NALCN: variants seen among roughly 807,000 people sequenced by gnomAD.
NALCN encodes sodium leak channel, non-selective.
In NALCN, 111 loss-of-function variants were observed where a neutral mutation model predicts 225.3. The observed-to-expected ratio is 0.49, with a 90% CI of 0.42 to 0.58. The LOEUF (loss-of-function observed/expected upper bound fraction) is 0.58, where lower values mean the gene tolerates loss of function less well. Among genes scored for constraint, NALCN ranks in the 20% least tolerant of loss-of-function variants. The pLI is 0.00. For missense variants in NALCN, 1,378 were observed against 2,202.4 expected, an observed-to-expected ratio of 0.63 and a Z score of 7.49; for synonymous variants, 764 against 769.0, an observed-to-expected ratio of 0.99 and a Z score of 0.11.
intron 11 of NALCN, among the ~76,000 whole-genome samples, chr13:101,254,541 T>A (rs967420007): frequency 1.3e-5 from 2 of 152,052 alleles, no homozygotes; most frequent in African/African-American, 4.8e-5. Context: ...TTATTTATTT[T>A]TCCAGGATTT....
intron 7 of NALCN, among the ~76,000 whole-genome samples, chr13:101,316,878 G>T (rs1445923759): frequency 6.6e-6 from 1 of 152,088 alleles, no homozygotes; most frequent in Non-Finnish European, 1.5e-5. Context: ...ACTGATAGGT[G>T]CAGATAATTA....
chr13:101,297,914 T>C (rs2043815323), intron 7 of NALCN, among the ~76,000 whole-genome samples: 1 of 152,216 alleles, frequency 6.6e-6, no homozygotes. Flanking sequence ...CTGACTCTGA[T>C]CAGACATCAC....
intron 7 of NALCN, among the ~76,000 whole-genome samples, chr13:101,301,289 C>T (rs1205086978): frequency 6.6e-6 from 1 of 152,200 alleles, no homozygotes. Flanking sequence ...TCGGCAATTT[C>T]CAGGTAGGCT....
chr13:101,339,390 C>T (rs530021609), intron 7 of NALCN, among the ~76,000 whole-genome samples: 35 of 152,064 alleles, frequency 2.3e-4, no homozygotes, highest in Admixed American at 2.6e-4. Flanking sequence ...CTTGAGTGCA[C>T]GGGCTAATGT....
At chr13:101,269,987 C>G (rs1449645462) in intron 10 of NALCN, among the ~76,000 whole-genome samples, 2 of 152,148 alleles carry the variant, frequency 1.3e-5, no homozygotes, top group Non-Finnish European at 2.9e-5. Flanking sequence ...CTCTCATGTT[C>G]CCTGGTGTCT....
At chr13:101,166,942 A>G (rs1482306121) in intron 15 of NALCN, among the ~76,000 whole-genome samples, 1 of 152,160 alleles carries the variant, frequency 6.6e-6, no homozygotes, top group African/African-American at 2.4e-5. Context: ...TGTGGTATCC[A>G]ATTTTTCAAC....
At chr13:101,160,316 C>T (rs943792626) in intron 15 of NALCN, among the ~76,000 whole-genome samples, 2 of 152,080 alleles carry the variant, frequency 1.3e-5, no homozygotes, top group East Asian at 1.9e-4. Context: ...CCTTCTTTTT[C>T]GCTTTGTCTG....
intron 40 of NALCN, 84 bp downstream of exon 40, chr13:101,065,320 T>C (rs889447432): frequency 1.4e-6 from 2 of 1,442,800 alleles, no homozygotes; most frequent in African/African-American, 2.8e-5. Flanking sequence ...GGAAACACAC[T>C]TGTTAATTGT....
chr13:101,348,861 T>TA (rs1371974184), intron 6 of NALCN, among the ~76,000 whole-genome samples: 1 of 152,214 alleles, frequency 6.6e-6, no homozygotes, highest in Non-Finnish European at 1.5e-5. Flanking sequence ...ACAAGGTAAT[T>TA]ACTGTTTTTA....
intron 7 of NALCN, among the ~76,000 whole-genome samples, chr13:101,331,729 T>C (rs1340803525): frequency 6.6e-6 from 1 of 152,100 alleles, no homozygotes; most frequent in East Asian, 1.9e-4. Context: ...GAGCTGGAGA[T>C]GAACTTTGGA....
intron 14 of NALCN, chr13:101,181,321 C>G (rs779172320): frequency 9.6e-6 from 5 of 518,722 alleles, no homozygotes; most frequent in South Asian, 7.0e-5. Context: ...ACAGAGGTCA[C>G]GGATAAGAGA....
At position 101,181,760 on chromosome 13, in the gene NALCN, C is replaced by G. The variant is rs368309616; in HGVS notation, c.1765-5386G>C. Among the ~76,000 whole-genome samples, 14 of 151,622 alleles carry G rather than the reference C, an allele frequency of 9.2e-5. No individual in the cohort carries two copies. In the South Asian group the frequency reaches 1.9e-3, roughly 20 times the overall value. ...CCTGTCTCCAAAAACTAAAAACAAA[C>G]AAAACAAAAAAATAAACTGGCTCAC... On this transcript the variant is annotated intron_variant, in intron 14 of 43. Coordinates refer to ENST00000251127, the MANE Select transcript of NALCN (RefSeq NM_052867.4).
At chr13:101,130,843 T>G (rs2139728651) in intron 17 of NALCN, among the ~76,000 whole-genome samples, 1 of 152,326 alleles carries the variant, frequency 6.6e-6, no homozygotes, top group East Asian at 1.9e-4. Flanking sequence ...CTCCAATATT[T>G]TTAGGTGTGT....
At chr13:101,398,960 G>T in intron 2 of NALCN, 59 bp downstream of exon 2, 1 of 1,084,044 alleles carries the variant, frequency 9.2e-7, no homozygotes, top group Non-Finnish European at 1.4e-6. Context: ...ATTTGAATTT[G>T]TCAATCACAT....
intron 13 of NALCN, among the ~76,000 whole-genome samples, chr13:101,198,092 G>A (rs1566418609): frequency 6.6e-6 from 1 of 152,008 alleles, no homozygotes; most frequent in Non-Finnish European, 1.5e-5. Context: ...GAGAGTAGAG[G>A]GTGAAAGCAC....
In NALCN at chr13:101,259,412, C is replaced by T. The variant is rs547686557; in HGVS notation, c.1135-838G>A. 5.9e-5 allele frequency among the ~76,000 whole-genome samples: 9 copies of T among 152,142 alleles called. No homozygotes were observed. In the East Asian group the frequency reaches 1.7e-3, roughly 29 times the overall value. ...GCAGTGGCGTGATCTTGGCTCACTG[C>T]AAGCTCTGCTTCCTGGATTCACGTC... On this transcript the variant is annotated intron_variant, in intron 10 of 43. Coordinates refer to ENST00000251127, the MANE Select transcript of NALCN (RefSeq NM_052867.4).
At chr13:101,221,458 A>T (rs2040936871) in intron 13 of NALCN, among the ~76,000 whole-genome samples, 1 of 151,904 alleles carries the variant, frequency 6.6e-6, no homozygotes, top group Non-Finnish European at 1.5e-5. Context: ...CTCCTCTCAA[A>T]ACCTTTATGC....
intron 6 of NALCN, among the ~76,000 whole-genome samples, chr13:101,360,970 A>C (rs1407386290): frequency 2.0e-5 from 3 of 152,166 alleles, no homozygotes; most frequent in Non-Finnish European, 4.4e-5. Context: ...TCTACTCTAT[A>C]ACATATCTTT....
chr13:101,231,558 G>A (rs1330118109), intron 12 of NALCN, among the ~76,000 whole-genome samples: 1 of 152,144 alleles, frequency 6.6e-6, no homozygotes, highest in African/African-American at 2.4e-5. Flanking sequence ...GCCAATTAAA[G>A]TATAACACAC....
Sources: allele counts gnomAD v4.1 joint callset (sites outside exome capture counted in the v4.1 genomes callset), GRCh38; gene constraint gnomAD v4.1.1; transcripts MANE v1.5; gene names NCBI Gene and HGNC (gene_info 2026-07-23, HGNC 2026-07-21).